ARHGAP6: variants seen among roughly 807,000 people sequenced by gnomAD.
The protein encoded by ARHGAP6 is Rho GTPase activating protein 6.
A neutral mutation model predicts 55.7 loss-of-function variants in ARHGAP6; 16 were observed. The observed-to-expected ratio is 0.29, with a 90% CI of 0.19 to 0.44. ARHGAP6 has a LOEUF of 0.44. Among genes scored for constraint, ARHGAP6 ranks in the 20% least tolerant of loss-of-function variants. The pLI, the probability that ARHGAP6 is intolerant of heterozygous loss-of-function variation, is 1.00. For synonymous variants in ARHGAP6, 382 were observed against 360.9 expected, an observed-to-expected ratio of 1.06 and a Z score of -0.66; for missense variants, 698 against 808.9, an observed-to-expected ratio of 0.86 and a Z score of 1.66.
chrX:11,371,139 A>G (rs770822504), intron 1 of ARHGAP6, among the ~76,000 whole-genome samples: 1 of 111,808 alleles, frequency 8.9e-6, no homozygotes, highest in Non-Finnish European at 1.9e-5. Context: ...AGGGATGGCT[A>G]TTTCCTAGAG....
intron 1 of ARHGAP6, among the ~76,000 whole-genome samples, chrX:11,480,751 A>G (rs2147837298): frequency 9.0e-6 from 1 of 111,584 alleles, no homozygotes; most frequent in African/African-American, 3.3e-5. Flanking sequence ...CAATACACAC[A>G]CTGTAACTCA....
chrX:11,153,405 A>G (rs1323363793), intron 10 of ARHGAP6, among the ~76,000 whole-genome samples: 1 of 107,920 alleles, frequency 9.3e-6, no homozygotes, highest in Non-Finnish European at 1.9e-5. Flanking sequence ...TGCACCTGTA[A>G]TCTCAGCTAC....
intron 1 of ARHGAP6, among the ~76,000 whole-genome samples, chrX:11,359,551 C>T (rs2048980931): frequency 1.8e-5 from 2 of 111,918 alleles, no homozygotes; most frequent in South Asian, 3.8e-4. Flanking sequence ...CCTCCTATCA[C>T]CATATTCCAA....
chrX:11,463,940 G>C (rs762866448), intron 1 of ARHGAP6, among the ~76,000 whole-genome samples: 26 of 112,663 alleles, frequency 2.3e-4, no homozygotes, highest in Non-Finnish European at 4.5e-4. Context: ...TCAGAAGAAA[G>C]ACATGTGCTA....
intron 1 of ARHGAP6, among the ~76,000 whole-genome samples, chrX:11,311,302 A>C (rs2048297940): frequency 8.9e-6 from 1 of 112,046 alleles, no homozygotes; most frequent in East Asian, 2.8e-4. Context: ...TTTAATTATT[A>C]ATTTTAATTC....
intron 1 of ARHGAP6, among the ~76,000 whole-genome samples, chrX:11,576,924 A>T (rs1450529873): frequency 1.8e-5 from 2 of 111,212 alleles, no homozygotes; most frequent in East Asian, 2.8e-4. Flanking sequence ...GCCACTTGCA[A>T]TTCTGGGCTT....
chrX:11,656,174 A>C (rs1171648130), intron 1 of ARHGAP6, among the ~76,000 whole-genome samples: 1 of 112,620 alleles, frequency 8.9e-6, no homozygotes, highest in African/African-American at 3.2e-5. Flanking sequence ...AGCGAGACTT[A>C]TTCTTCACCA....
intron 1 of ARHGAP6, among the ~76,000 whole-genome samples, chrX:11,255,146 C>T (rs2047476884): frequency 9.0e-6 from 1 of 111,473 alleles, no homozygotes; most frequent in Non-Finnish European, 1.9e-5. Flanking sequence ...TTAAAATTGG[C>T]AAATAAAAAT....
At chrX:11,640,191 A>C (rs1032455694) in intron 1 of ARHGAP6, among the ~76,000 whole-genome samples, 1 of 110,360 alleles carries the variant, frequency 9.1e-6, no homozygotes, top group African/African-American at 3.3e-5. Context: ...TGAATATTCC[A>C]CTCCCTACTT....
intron 1 of ARHGAP6, among the ~76,000 whole-genome samples, chrX:11,447,548 T>C (rs770201618): frequency 8.9e-6 from 1 of 112,014 alleles, no homozygotes; most frequent in South Asian, 3.7e-4. Context: ...AAAAGCAGAG[T>C]TGAGTAGTTG....
chrX:11,383,993 T>C (rs2049293722), intron 1 of ARHGAP6, among the ~76,000 whole-genome samples: 1 of 110,154 alleles, frequency 9.1e-6, no homozygotes. Context: ...AGTGACAGAA[T>C]TTTAATGCTT....
chrX:11,415,707 G>A (rs758730072), intron 1 of ARHGAP6, among the ~76,000 whole-genome samples: 7 of 111,702 alleles, frequency 6.3e-5, no homozygotes, highest in Admixed American at 1.9e-4. Context: ...TCCTGCCTAC[G>A]TCTCAAGAGT....
At chrX:11,404,193 C>G (rs2049583577) in intron 1 of ARHGAP6, among the ~76,000 whole-genome samples, 1 of 111,542 alleles carries the variant, frequency 9.0e-6, no homozygotes, top group Non-Finnish European at 1.9e-5. Context: ...CCACTCTTTG[C>G]ATCTCCCATT....
chrX:11,495,316 T>C (rs537036395), intron 1 of ARHGAP6, among the ~76,000 whole-genome samples: 6 of 111,212 alleles, frequency 5.4e-5, no homozygotes, highest in African/African-American at 2.0e-4. Flanking sequence ...AAAAATGCCA[T>C]ATCCTTGCCC....
chrX:11,553,891 C>A (rs1404607012), intron 1 of ARHGAP6, among the ~76,000 whole-genome samples: 3 of 111,842 alleles, frequency 2.7e-5, no homozygotes, highest in Non-Finnish European at 5.6e-5. Context: ...AGTGTGAATA[C>A]CAACATGAAT....
intron 1 of ARHGAP6, among the ~76,000 whole-genome samples, chrX:11,480,428 G>A (rs2050445018): frequency 9.1e-6 from 1 of 110,340 alleles, no homozygotes; most frequent in South Asian, 4.1e-4. Flanking sequence ...TGGTTGCCAG[G>A]GGCTGAGGAT....
chrX:11,277,699 C>CTTT (rs202164456), intron 1 of ARHGAP6, among the ~76,000 whole-genome samples: 37 of 99,134 alleles, frequency 3.7e-4, no homozygotes, highest in Non-Finnish European at 4.8e-4. Flanking sequence ...TTCTAGTATT[C>CTTT]TTTTTTTTTT....
intron 3 of ARHGAP6, among the ~76,000 whole-genome samples, chrX:11,193,345 A>G (rs149937888): frequency 5.9e-4 from 67 of 112,626 alleles, no homozygotes; most frequent in African/African-American, 2.0e-3. Context: ...TCACATGTGC[A>G]GCTGTTACAA....
intron 1 of ARHGAP6, among the ~76,000 whole-genome samples, chrX:11,381,592 C>T (rs1222758916): frequency 9.0e-6 from 1 of 111,586 alleles, no homozygotes; most frequent in Admixed American, 9.5e-5. Context: ...TTACATATCT[C>T]GTACCCTATC....
Sources: allele counts gnomAD v4.1 joint callset (sites outside exome capture counted in the v4.1 genomes callset), GRCh38; gene constraint gnomAD v4.1.1; transcripts MANE v1.5; gene names NCBI Gene and HGNC (gene_info 2026-07-23, HGNC 2026-07-21).